Variants in PARD3B observed in about 807,000 individuals in gnomAD.
PARD3B encodes partitioning defective 3 homolog B.
Under a neutral mutation model 130.2 loss-of-function variants are expected in PARD3B, and 103 were observed. That is an observed-to-expected ratio of 0.79 (90% CI 0.67 to 0.93). The LOEUF (loss-of-function observed/expected upper bound fraction) is 0.93. PARD3B is among the 40% of genes least tolerant of loss of function. The probability of loss-of-function intolerance (pLI) is 0.00; values close to 1 mark genes in which losing one functional copy is unlikely to be tolerated. For synonymous variants in PARD3B, 583 were observed against 553.2 expected (o/e 1.05, Z -0.76); for missense variants, 1,609 against 1,499.2 (o/e 1.07, Z -1.21).
chr2:205,189,811 A>G (rs921783957), intron 14 of PARD3B, among the ~76,000 whole-genome samples: 3 of 152,150 alleles, frequency 2.0e-5, no homozygotes, highest in African/African-American at 7.2e-5. Flanking sequence ...CCTCCTTAAT[A>G]TCCATCAATC....
chr2:204,593,273 C>T (rs1370228276), intron 1 of PARD3B, among the ~76,000 whole-genome samples: 7 of 152,182 alleles, frequency 4.6e-5, no homozygotes, highest in South Asian at 2.1e-4. Context: ...GCATCCTCAA[C>T]GTAGATTGAG....
At chr2:205,077,710 A>G (rs1458215745) in intron 4 of PARD3B, among the ~76,000 whole-genome samples, 1 of 152,146 alleles carries the variant, frequency 6.6e-6, no homozygotes, top group African/African-American at 2.4e-5. Context: ...GAGATAACAG[A>G]ATAGGGACGT....
chr2:204,991,739 T>C (rs892296786), intron 3 of PARD3B, among the ~76,000 whole-genome samples: 5 of 152,004 alleles, frequency 3.3e-5, no homozygotes, highest in African/African-American at 7.2e-5. Context: ...CCAGCACCTG[T>C]GGTTTCCTGA....
intron 2 of PARD3B, among the ~76,000 whole-genome samples, chr2:204,859,325 A>G (rs1303970011): frequency 6.6e-6 from 1 of 152,198 alleles, no homozygotes; most frequent in Non-Finnish European, 1.5e-5. Context: ...TATTAGGAGT[A>G]TAAAAGTAGA....
intron 1 of PARD3B, among the ~76,000 whole-genome samples, chr2:204,651,034 T>A (rs184505821): frequency 6.6e-6 from 1 of 152,134 alleles, no homozygotes; most frequent in African/African-American, 2.4e-5. Context: ...TCCCCTGACA[T>A]GGGATTACAA....
rs771818729 is a variant in PARD3B at position 205,354,372 on chromosome 2, T to C, written c.2631-46641T>C. 5.9e-4 allele frequency among the ~76,000 whole-genome samples: 89 copies of C among 151,968 alleles called. 3 individuals carry two copies. Among genetic ancestry groups the C allele is most frequent in the Admixed American group, 2.0e-4 (3 of 15,248 alleles). On this transcript the variant is annotated intron_variant, in intron 18 of 22. Transcript: ENST00000406610. Reference sequence around the variant, plus strand: ...GCAGATTAAAGAAGGAAGAGGTTTTTTGGGTGCAGCACACCAACATGGCAC... The same window carrying C: ...GCAGATTAAAGAAGGAAGAGGTTTTCTGGGTGCAGCACACCAACATGGCAC...
chr2:205,605,196 A>G (rs192269071), intron 22 of PARD3B, among the ~76,000 whole-genome samples: 16 of 152,162 alleles, frequency 1.1e-4, no homozygotes, highest in African/African-American at 3.6e-4. Context: ...CACCTTCTGA[A>G]GCCTACTTCT....
At chr2:204,987,510 C>T (rs2125230073) in intron 3 of PARD3B, among the ~76,000 whole-genome samples, 1 of 152,262 alleles carries the variant, frequency 6.6e-6, no homozygotes, top group East Asian at 1.9e-4. Context: ...TGTCTGTCTT[C>T]TCTTTCTAGA....
chr2:205,371,335 ACTT>A (rs2044808110), intron 18 of PARD3B, among the ~76,000 whole-genome samples: 1 of 152,094 alleles, frequency 6.6e-6, no homozygotes, highest in African/African-American at 2.4e-5. Context: ...ACACAATGAA[ACTT>A]GTTCTGTATG....
At chr2:204,607,510 C>A (rs1030203047) in intron 1 of PARD3B, among the ~76,000 whole-genome samples, 1 of 152,130 alleles carries the variant, frequency 6.6e-6, no homozygotes, top group Non-Finnish European at 1.5e-5. Flanking sequence ...GCCAACATTA[C>A]ATGGTTTGAC....
At chr2:205,456,971 A>G (rs867775319) in intron 20 of PARD3B, among the ~76,000 whole-genome samples, 2 of 151,318 alleles carry the variant, frequency 1.3e-5, no homozygotes, top group African/African-American at 4.8e-5. Flanking sequence ...TATATATTTA[A>G]TTCATTTGCT....
At chr2:204,587,192 A>C (rs575072695) in intron 1 of PARD3B, among the ~76,000 whole-genome samples, 1 of 152,290 alleles carries the variant, frequency 6.6e-6, no homozygotes, top group East Asian at 1.9e-4. Flanking sequence ...AGAAGATATG[A>C]CTTATACAGA....
intron 3 of PARD3B, among the ~76,000 whole-genome samples, chr2:205,025,828 C>G (rs559853752): frequency 1.3e-5 from 2 of 152,234 alleles, no homozygotes; most frequent in South Asian, 4.2e-4. Context: ...CACACAGATG[C>G]CTTGTACCTG....
In PARD3B at chr2:204,577,972, A is replaced by G. The variant is rs187454550; in HGVS notation, c.120+31853A>G. ...TCCCCTAGGACATTGTGCAATGTCTAGAGACAATTTTGGTTATCACAGCAA... is the reference window on the plus strand; with the variant it reads ...TCCCCTAGGACATTGTGCAATGTCTGGAGACAATTTTGGTTATCACAGCAA... On this transcript the variant is annotated intron_variant, in intron 1 of 22. Coordinates refer to ENST00000406610, the MANE Select transcript of PARD3B (RefSeq NM_001302769.2). Among the ~76,000 whole-genome samples the G allele has an allele frequency of 3.9e-5, 6 of 152,290 alleles. No individual in the cohort carries two copies. In the East Asian group the frequency reaches 1.2e-3, roughly 29 times the overall value.
intron 1 of PARD3B, 147 bp downstream of exon 1, chr2:204,546,266 G>A: frequency 8.6e-7 from 1 of 1,157,234 alleles, no homozygotes; most frequent in Non-Finnish European, 1.2e-6. Context: ...GCTAATATCA[G>A]TGATGTGGGT....
intron 1 of PARD3B, among the ~76,000 whole-genome samples, chr2:204,589,291 A>G (rs1410049809): frequency 6.6e-6 from 1 of 152,176 alleles, no homozygotes; most frequent in East Asian, 1.9e-4. Flanking sequence ...TATTGGAGCA[A>G]ATGATTTGCA....
rs1161226926 is a variant in PARD3B at position 205,207,583 on chromosome 2, CA to C, written c.2140+14266del. On this transcript the variant is annotated intron_variant, in intron 15 of 22. Transcript: ENST00000406610. Reference sequence around the variant, plus strand: ...TACAAACTACCATCAGAGAATACTACAAACACCTCTACACAAATAAACTAGA... The same window carrying C: ...TACAAACTACCATCAGAGAATACTACAACACCTCTACACAAATAAACTAGA... Among the ~76,000 whole-genome samples the C allele has an allele frequency of 6.5e-4, 92 of 142,284 alleles. 4 individuals are homozygous for C. Among genetic ancestry groups the C allele is most frequent in the Admixed American group, 6.3e-3 (92 of 14,618 alleles). The allele number at this position is 142,284 out of a possible 152,430, so 93.3% of individuals were successfully genotyped here. A position where few individuals can be genotyped will look rare whatever the true frequency, so the allele number is the denominator to read the frequency against.
chr2:204,965,304 C>A lies in PARD3B; in HGVS notation c.375C>A (p.Thr125=). 6.2e-7 allele frequency: 1 copy of A among 1,613,728 alleles called. No individual in the cohort carries two copies. The highest frequency in any genetic ancestry group is 8.5e-7 in the Non-Finnish European group (1 of 1,179,820). Residue 125 remains threonine, a synonymous_variant, in exon 3 of 23, where the codon ACC becomes ACA. Transcript: ENST00000406610. ...FKPIGGEIEV[T]PSALKLGTPL... is the part of the protein sequence containing the mutation. ...CAATTGGTGGGGAGATTGAAGTAAC[C>A]CCTTCTGCTCTAAAACTAGGTATGT...
intron 18 of PARD3B, among the ~76,000 whole-genome samples, chr2:205,342,614 G>T (rs2043586022): frequency 6.6e-6 from 1 of 152,134 alleles, no homozygotes; most frequent in Admixed American, 6.5e-5. Flanking sequence ...TATGACCAGA[G>T]AATTTCTGAG....
Sources: allele counts gnomAD v4.1 joint callset (sites outside exome capture counted in the v4.1 genomes callset), GRCh38; gene constraint gnomAD v4.1.1; transcripts MANE v1.5; gene names NCBI Gene and HGNC (gene_info 2026-07-23, HGNC 2026-07-21).